The following ERI2 variants were observed in gnomAD, a reference collection of about 807,000 sequenced individuals.
The protein encoded by ERI2 is ERI1 exoribonuclease family member 2.
In ERI2, 35 loss-of-function variants were observed where a neutral mutation model predicts 46.8. The observed-to-expected ratio is 0.75, with a 90% CI of 0.57 to 0.99. The LOEUF is 0.99. Among genes scored for constraint, ERI2 ranks in the 50% least tolerant of loss-of-function variants. The probability of loss-of-function intolerance (pLI) is 0.00; values close to 1 mark genes in which losing one functional copy is unlikely to be tolerated. For missense variants in ERI2, 695 were observed against 796.2 expected (o/e 0.87, Z 1.53); for synonymous variants, 224 against 271.0 (o/e 0.83, Z 1.70).
At chr16:20,788,745 T>G (rs1224835515) in intron 10 of ERI2, among the ~76,000 whole-genome samples, 1 of 152,236 alleles carries the variant, frequency 6.6e-6, no homozygotes, top group East Asian at 1.9e-4. Flanking sequence ...ACAGAAGATT[T>G]TATCTATATT....
In ERI2 at chr16:20,798,498, T is replaced by C; in HGVS notation, c.1302A>G (p.Leu434=). Residue 434 remains leucine (L), a synonymous_variant, in exon 9 of 9, where the codon TTA becomes TTG. Transcript: ENST00000357967. ...TTTCTCCAGAATTAAATGAAATCTCTAAGTCTGAGTCACTAATGGGAACTG... is the reference window on the plus strand; with the variant it reads ...TTTCTCCAGAATTAAATGAAATCTCCAAGTCTGAGTCACTAATGGGAACTG... ...DCTVPISDSD[L]EISFNSGERL... The C allele has an allele frequency of 6.4e-7, 1 of 1,551,560 alleles. No homozygotes were observed. The highest frequency in any genetic ancestry group is 8.7e-7 in the Non-Finnish European group (1 of 1,146,860).
Position 20,789,511 on chromosome 16 carries a change from GTTTACTCATA to G in ERI2, c.852_861del (p.Met285ArgfsTer9). On this transcript the variant is annotated frameshift_variant, in exon 10 of 11. Coordinates refer to the ERI2 transcript ENST00000300005. LOFTEE classifies it low-confidence loss of function (END_TRUNC). Reference sequence around the variant, plus strand: ...AACCAGAGAATATTCCCCTTTTCCTGTTTACTCATATTGGGCTTCTGAAGTAAGGTTCTGT... The same window carrying G: ...AACCAGAGAATATTCCCCTTTTCCTGTTGGGCTTCTGAAGTAAGGTTCTGT... The G allele has an allele frequency of 6.2e-7, 1 of 1,613,646 alleles. No homozygotes were observed.
chr16:20,783,804 C>G (rs1023489114), intron 10 of ERI2, among the ~76,000 whole-genome samples: 31 of 106,760 alleles, frequency 2.9e-4, no homozygotes, highest in Non-Finnish European at 4.7e-4. Flanking sequence ...TGTGTTCTCC[C>G]CGTCTCAATT....
chr16:20,804,644 C>T (rs1194119170), intron 1 of ERI2, among the ~76,000 whole-genome samples: 1 of 151,884 alleles, frequency 6.6e-6, no homozygotes, highest in East Asian at 1.9e-4. Context: ...CCAGCATGGG[C>T]AACAGAGCGA....
At position 20,785,311 on chromosome 16, in the gene ERI2, C is replaced by T. The variant is rs181255157; in HGVS notation, c.894+4168G>A. Among the ~76,000 whole-genome samples the T allele has an allele frequency of 2.1e-3, 327 of 152,300 alleles. 16 individuals are homozygous for T. The highest frequency in any genetic ancestry group is 1.8e-3 in the Non-Finnish European group (125 of 68,032). On this transcript the variant is annotated intron_variant, in intron 10 of 10. Transcript: ENST00000300005. The stretch of plus-strand genomic sequence containing the variant: ...GTTTAAATAGCCATTCATTGACAAA[C>T]ACCACTGTTAATGGATCAGAGTAAG...
At chr16:20,805,450 G>T (rs918876982) in intron 1 of ERI2, among the ~76,000 whole-genome samples, 1 of 151,900 alleles carries the variant, frequency 6.6e-6, no homozygotes. Context: ...CTAGAAAATG[G>T]GTTTGTAAAA....
In ERI2 at chr16:20,797,266, T is replaced by C; in HGVS notation, c.*458A>G. The stretch of plus-strand genomic sequence containing the variant: ...AGCAGTTTCTGAACCAGATCTCTGC[T>C]ACATAGGTTTTCAAACTTTAGTTGA... On this transcript the variant is annotated 3_prime_UTR_variant, in exon 9 of 9. Transcript: ENST00000357967. 2 of 1,066,354 alleles carry C rather than the reference T, an allele frequency of 1.9e-6. No homozygotes were observed. Among genetic ancestry groups the C allele is most frequent in the Non-Finnish European group, 2.3e-6 (2 of 885,798 alleles). 66.1% of individuals were successfully genotyped at this position (1,066,354 alleles called of 1,614,324 possible).
chr16:20,801,906 G>A (rs1032218643), intron 4 of ERI2, among the ~76,000 whole-genome samples: 1 of 151,962 alleles, frequency 6.6e-6, no homozygotes, highest in African/African-American at 2.4e-5. Context: ...TCACAGGTGT[G>A]TAACACCATG....
chr16:20,797,015 T>C lies in ERI2; in HGVS notation c.*709A>G. 6.3e-7 allele frequency: 1 copy of C among 1,595,250 alleles called. No homozygotes were observed. The highest frequency in any genetic ancestry group is 1.2e-5 in the South Asian group (1 of 86,474). ...CCATATCTATAAAACAAACATAGTA[T>C]CTGTCAATCTCTAGAAACCACAAGA... On this transcript the variant is annotated 3_prime_UTR_variant, in exon 9 of 9. Transcript: ENST00000357967.
chr16:20,782,257 T>C (rs1171046119), intron 10 of ERI2, among the ~76,000 whole-genome samples: 1 of 152,190 alleles, frequency 6.6e-6, no homozygotes, highest in Non-Finnish European at 1.5e-5. Context: ...TTTGTTTTGT[T>C]TCAATAGGGT....
rs1003648286 is a variant in ERI2 at position 20,797,486 on chromosome 16, A to G, written c.*238T>C. 9.0e-7 allele frequency: 1 copy of G among 1,107,720 alleles called. No homozygotes were observed. The highest frequency in any genetic ancestry group is 4.4e-5 in the South Asian group (1 of 22,634). The allele number at this position is 1,107,720 out of a possible 1,614,324, so 68.6% of individuals were successfully genotyped here. ...CACATTTTTTGCAAATAATTTAAAA[A>G]TAGTTTAGACTTGTTTCAAGGTCTA... is the stretch of plus-strand genomic sequence containing the variant. On this transcript the variant is annotated 3_prime_UTR_variant, in exon 9 of 9. Coordinates refer to ENST00000357967, the MANE Select transcript of ERI2 (RefSeq NM_001142725.2).
rs756171949 is a variant in ERI2, at chr16:20,800,339, AAC to A, written c.522_523del (p.Leu176LysfsTer5). On this transcript the variant is annotated frameshift_variant, in exon 6 of 9. Coordinates refer to ENST00000357967, the MANE Select transcript of ERI2 (RefSeq NM_001142725.2). LOFTEE classifies it high-confidence loss of function. ...TCTGAGATCAATCCAAGAATTTAAA[AAC>A]ACAGGTTTTAACAGCTGCTTTCTTT... 2.5e-6 allele frequency: 4 copies of A among 1,610,756 alleles called. No homozygotes were observed. Among genetic ancestry groups the A allele is most frequent in the Non-Finnish European group, 3.4e-6 (4 of 1,178,020 alleles).
Position 20,798,001 on chromosome 16 carries a change from C to T in ERI2, c.1799G>A (p.Gly600Asp), listed in dbSNP as rs1166341659. ...GKMTPPLCKC[G>D]RRSKRLVVSN... is the part of the protein sequence containing the mutation. ...AACAACAAGTCTCTTAGATCTCCGA[C>T]CACACTTGCATAATGGAGGTGTCAT... is the stretch of plus-strand genomic sequence containing the variant. Residue 600 changes from glycine to aspartate, a missense_variant, in exon 9 of 9, where the codon GGT (glycine) becomes GAT (aspartate). Coordinates refer to ENST00000357967, the MANE Select transcript of ERI2 (RefSeq NM_001142725.2). 2 of 1,551,926 alleles carry T rather than the reference C, an allele frequency of 1.3e-6. No individual in the cohort carries two copies.
At position 20,797,229 on chromosome 16, in the gene ERI2, G is replaced by GTA; in HGVS notation, c.*493_*494dup. The GTA allele has an allele frequency of 8.5e-7, 1 of 1,182,690 alleles. No homozygotes were observed. The allele number at this position is 1,182,690 out of a possible 1,614,324, so 73.3% of individuals were successfully genotyped here. On this transcript the variant is annotated 3_prime_UTR_variant, in exon 9 of 9. Coordinates refer to ENST00000357967, the MANE Select transcript of ERI2 (RefSeq NM_001142725.2). The stretch of plus-strand genomic sequence containing the variant: ...ATCAATTGCTGATTAATTTTTAAAT[G>GTA]TATAGTATAGAAGCAGTTTCTGAAC...
At chr16:20,782,429 T>C (rs1321902316) in intron 10 of ERI2, among the ~76,000 whole-genome samples, 1 of 152,116 alleles carries the variant, frequency 6.6e-6, no homozygotes, top group Non-Finnish European at 1.5e-5. Flanking sequence ...CAAAGTCCAT[T>C]ATATCATTCT....
chr16:20,805,415 G>A (rs1182747791), intron 1 of ERI2, among the ~76,000 whole-genome samples: 3 of 113,016 alleles, frequency 2.7e-5, no homozygotes, highest in Non-Finnish European at 2.2e-5. Flanking sequence ...ACAAAACTCC[G>A]TCTCAAAAAA....
chr16:20,802,691 C>G, intron 4 of ERI2, 105 bp downstream of exon 4: 1 of 1,329,606 alleles, frequency 7.5e-7, no homozygotes. Context: ...GGATTACAGG[C>G]ATAAGCCATC....
intron 5 of ERI2, chr16:20,800,767 A>G (rs1197553279): frequency 1.1e-5 from 2 of 181,550 alleles, no homozygotes; most frequent in Non-Finnish European, 2.3e-5. Context: ...CTTATCAATG[A>G]CACAGTATTG....
chr16:20,804,089 A>G (rs951959773), intron 1 of ERI2, among the ~76,000 whole-genome samples: 13 of 150,574 alleles, frequency 8.6e-5, no homozygotes, highest in Non-Finnish European at 4.4e-5. Flanking sequence ...CCTGAGCTCC[A>G]GCAATCCTCC....
Sources: allele counts gnomAD v4.1 joint callset (sites outside exome capture counted in the v4.1 genomes callset), GRCh38; gene constraint gnomAD v4.1.1; transcripts MANE v1.5; gene names NCBI Gene and HGNC (gene_info 2026-07-23, HGNC 2026-07-21).